Variants in ZNF837 observed in about 807,000 individuals in gnomAD.
ZNF837 encodes the protein zinc finger protein 837.
For synonymous variants in ZNF837, 475 were observed against 365.2 expected, an observed-to-expected ratio of 1.30 and a Z score of -3.43; for missense variants, 955 against 801.7, an observed-to-expected ratio of 1.19 and a Z score of -2.31.
chr19:58,369,436 C>T, intron 2 of ZNF837, 75 bp from the exon 3 acceptor site: 1 of 1,245,728 alleles, frequency 8.0e-7, no homozygotes, highest in Non-Finnish European at 1.0e-6. Flanking sequence ...CAACGAGCGA[C>T]CACCCCACAG....
chr19:58,371,198 G>A (rs547744495), intron 1 of ZNF837, among the ~76,000 whole-genome samples: 277 of 143,124 alleles, frequency 1.9e-3, no homozygotes, highest in Non-Finnish European at 3.6e-3. Flanking sequence ...CCGAGATCAC[G>A]CCACTGCACT....
At chr19:58,370,956 G>C (rs1374640695) in intron 1 of ZNF837, among the ~76,000 whole-genome samples, 1 of 150,248 alleles carries the variant, frequency 6.7e-6, no homozygotes, top group African/African-American at 2.4e-5. Flanking sequence ...GGCCGGGGGG[G>C]GGGAGCCGGG....
At position 58,367,714 on chromosome 19, in the gene ZNF837, C is replaced by CGT; in HGVS notation, c.*21_*22dup. The CGT allele has an allele frequency of 6.8e-7, 1 of 1,481,480 alleles. No homozygotes were observed. The highest frequency in any genetic ancestry group is 8.9e-7 in the Non-Finnish European group (1 of 1,122,360). 91.8% of individuals were successfully genotyped at this position (1,481,480 alleles called of 1,614,324 possible). The stretch of plus-strand genomic sequence containing the variant: ...CGACGCAGGGTTCGCTTGGGCGACG[C>CGT]GTCGACTCTCGGCTCCCTGCAGTCA... On this transcript the variant is annotated 3_prime_UTR_variant, in exon 3 of 3. Transcript: ENST00000597582.
intron 1 of ZNF837, among the ~76,000 whole-genome samples, chr19:58,376,947 G>T (rs1250872732): frequency 2.6e-5 from 4 of 151,824 alleles, no homozygotes; most frequent in Admixed American, 1.3e-4. Context: ...GCCGGACGTG[G>T]TGACTCATGC....
chr19:58,368,320 C>G lies in ZNF837; in HGVS notation c.1013G>C (p.Arg338Pro). ...GTCCCCGCAGGGCGGGCACCCCAGCCGGAAGGCGCGCCGCGCCAGGACGGG... is the reference window on the plus strand; with the variant it reads ...GTCCCCGCAGGGCGGGCACCCCAGCGGGAAGGCGCGCCGCGCCAGGACGGG... ...RGPVLARRAF[R>P]LGCPPCGDYS... The change falls in exon 3 of 3, where the codon CGG becomes CCG. Residue 338 changes from arginine (R) to proline (P), a missense_variant. Arg to Pro is a moderately radical substitution (Grantham distance 103). Transcript: ENST00000597582. 1 of 1,492,068 alleles carries G rather than the reference C, an allele frequency of 6.7e-7. No homozygotes were observed. Among genetic ancestry groups the G allele is most frequent in the African/African-American group, 1.4e-5 (1 of 70,262 alleles). The allele number at this position is 1,492,068 out of a possible 1,614,324, so 92.4% of individuals were successfully genotyped here.
chr19:58,369,434 GACCACCCCACAGCTGGC>G, intron 2 of ZNF837, 73 bp from the exon 3 acceptor site: 1 of 1,250,918 alleles, frequency 8.0e-7, no homozygotes, highest in South Asian at 2.8e-5. Flanking sequence ...GCCAACGAGC[GACCACCCCACAGCTGGC>G]ACCTACTGGG....
chr19:58,370,551 A>G (rs2052190669), intron 1 of ZNF837, among the ~76,000 whole-genome samples: 1 of 152,200 alleles, frequency 6.6e-6, no homozygotes, highest in South Asian at 2.1e-4. Context: ...AGATACACAC[A>G]CGTGCATATA....
chr19:58,368,703 G>C lies in ZNF837; in HGVS notation c.630C>G (p.Ala210=), dbSNP rs1001393585. The C allele has an allele frequency of 6.6e-5, 101 of 1,534,256 alleles. No individual in the cohort carries two copies. Among genetic ancestry groups the C allele is most frequent in the Non-Finnish European group, 8.4e-5 (96 of 1,145,370 alleles). ...CACGEAFAWR[A]LRIPQERLQA... Reference sequence around the variant, plus strand: ...GCAGCCTCTCCTGGGGGATCCGCAGGGCCCTCCACGCAAAGGCCTCGCCGC... The same window carrying C: ...GCAGCCTCTCCTGGGGGATCCGCAGCGCCCTCCACGCAAAGGCCTCGCCGC... Residue 210 remains alanine, a synonymous_variant, in exon 3 of 3, where the codon GCC becomes GCG. Coordinates refer to ENST00000597582, the MANE Select transcript of ZNF837 (RefSeq NM_138466.2).
At chr19:58,375,388 C>G (rs1481819446) in intron 1 of ZNF837, among the ~76,000 whole-genome samples, 2 of 138,816 alleles carry the variant, frequency 1.4e-5, no homozygotes, top group African/African-American at 5.5e-5. Flanking sequence ...ATACTAAAAC[C>G]CAACCTGAAT....
In ZNF837 at chr19:58,368,218, A is replaced by G; in HGVS notation, c.1115T>C (p.Phe372Ser). ...PYECADCAKA[F>S]GLFSHLVEHR... ...CTCCACGAGGTGCGAGAACAGCCCGAAGGCCTTGGCGCAGTCGGCGCACTC... is the reference window on the plus strand; with the variant it reads ...CTCCACGAGGTGCGAGAACAGCCCGGAGGCCTTGGCGCAGTCGGCGCACTC... The change falls in exon 3 of 3, where the codon TTC becomes TCC. Residue 372 changes from phenylalanine to serine, a missense_variant. Phe to Ser is a radical substitution (Grantham distance 155). Coordinates refer to ENST00000597582, the MANE Select transcript of ZNF837 (RefSeq NM_138466.2). 1 of 1,539,548 alleles carries G rather than the reference A, an allele frequency of 6.5e-7. No individual in the cohort carries two copies. The highest frequency in any genetic ancestry group is 8.7e-7 in the Non-Finnish European group (1 of 1,146,346).
In ZNF837 at chr19:58,367,811, A is replaced by C; in HGVS notation, c.1522T>G (p.Cys508Gly). The change falls in exon 3 of 3, where the codon TGC (cysteine) becomes GGC (glycine). Residue 508 changes from cysteine to glycine, a missense_variant. Transcript: ENST00000597582. ...TGERPYACGD[C>G]GRAFSQRSNL... Reference sequence around the variant, plus strand: ...GAGCGTTGGCTGAAGGCGCGGCCGCAATCTCCGCACGCGTAGGGCCGCTCG... The same window carrying C: ...GAGCGTTGGCTGAAGGCGCGGCCGCCATCTCCGCACGCGTAGGGCCGCTCG... The C allele has an allele frequency of 1.3e-6, 2 of 1,536,540 alleles. No individual in the cohort carries two copies. The highest frequency in any genetic ancestry group is 1.2e-5 in the South Asian group (1 of 84,004).
intron 1 of ZNF837, among the ~76,000 whole-genome samples, chr19:58,377,296 G>A (rs1205271057): frequency 6.6e-6 from 1 of 151,568 alleles, no homozygotes; most frequent in African/African-American, 2.4e-5. Context: ...CACGAGGTCA[G>A]GAGATTGAGA....
chr19:58,369,082 G>T lies in ZNF837; in HGVS notation c.251C>A (p.Thr84Asn). 6.6e-7 allele frequency: 1 copy of T among 1,516,768 alleles called. No homozygotes were observed. The highest frequency in any genetic ancestry group is 8.8e-7 in the Non-Finnish European group (1 of 1,131,994). 94.0% of individuals were successfully genotyped at this position (1,516,768 alleles called of 1,614,324 possible). Residue 84 changes from threonine to asparagine, a missense_variant, in exon 3 of 3, where the codon ACC becomes AAC. Coordinates refer to ENST00000597582, the MANE Select transcript of ZNF837 (RefSeq NM_138466.2). ...GCACGGCTCCCGCACGAGGGGTCTGGTCCCGGCGCTGTGCCGGGTCCCCGG... is the reference window on the plus strand; with the variant it reads ...GCACGGCTCCCGCACGAGGGGTCTGTTCCCGGCGCTGTGCCGGGTCCCCGG... The part of the protein sequence containing the change: ...PGPGTRHSAG[T>N]RPLVREPCGP...
In ZNF837 at chr19:58,368,738, C is replaced by T; in HGVS notation, c.595G>A (p.Ala199Thr). 2.0e-6 allele frequency: 3 copies of T among 1,538,168 alleles called. No homozygotes were observed. Among genetic ancestry groups the T allele is most frequent in the East Asian group, 2.4e-5 (1 of 40,880 alleles). Residue 199 changes from alanine to threonine, a missense_variant, in exon 3 of 3, where the codon GCT becomes ACT. By Grantham distance (58) the Ala-to-Thr change is moderately conservative (BLOSUM62 0). Coordinates refer to ENST00000597582, the MANE Select transcript of ZNF837 (RefSeq NM_138466.2). Reference protein sequence around the residue: ...GRNPLVEQPRACACGEAFAWR... With the variant: ...GRNPLVEQPRTCACGEAFAWR... ...GCAAAGGCCTCGCCGCACGCGCAAGCCCGGGGCTGCTCCACCAAGGGGTTC... is the reference window on the plus strand; with the variant it reads ...GCAAAGGCCTCGCCGCACGCGCAAGTCCGGGGCTGCTCCACCAAGGGGTTC...
Position 58,369,101 on chromosome 19 carries a change from TC to T in ZNF837, c.231del (p.Thr78ProfsTer329). 2 of 1,505,866 alleles carry T rather than the reference TC, an allele frequency of 1.3e-6. No individual in the cohort carries two copies. The highest frequency in any genetic ancestry group is 8.9e-7 in the Non-Finnish European group (1 of 1,127,738). 93.3% of individuals were successfully genotyped at this position (1,505,866 alleles called of 1,614,324 possible). A position where few individuals can be genotyped will look rare whatever the true frequency, so the allele number is the denominator to read the frequency against. ...GCSLGVSPGP[G>X]TRHSAGTRPL... ...GGTCTGGTCCCGGCGCTGTGCCGGG[TC>T]CCCGGGCCGGGGCTCACCCCGAGGC... is the stretch of plus-strand genomic sequence containing the variant. On this transcript the variant is annotated frameshift_variant, in exon 3 of 3. Coordinates refer to ENST00000597582, the MANE Select transcript of ZNF837 (RefSeq NM_138466.2). LOFTEE classifies it low-confidence loss of function (END_TRUNC).
At chr19:58,374,701 C>G (rs1320719839) in intron 1 of ZNF837, among the ~76,000 whole-genome samples, 2 of 152,082 alleles carry the variant, frequency 1.3e-5, no homozygotes, top group East Asian at 3.8e-4. Flanking sequence ...CTTTGGGAGG[C>G]GAAGGTGGGA....
At chr19:58,379,073 C>T (rs1252214852) in intron 1 of ZNF837, among the ~76,000 whole-genome samples, 3 of 152,198 alleles carry the variant, frequency 2.0e-5, no homozygotes, top group African/African-American at 7.2e-5. Context: ...CTAATAGAGA[C>T]TGGTCTAGCA....
Position 58,368,372 on chromosome 19 carries a change from G to T in ZNF837, c.961C>A (p.His321Asn), listed in dbSNP as rs1449384371. ...CCACGCCGGTGGCGCTCGGCCGAGT[G>T]CGTCTTCTGGTGGCGGTACAGGCCG... ...CSGLYRHQKT[H>N]SAERHRRGPV... Residue 321 changes from histidine to asparagine, a missense_variant, in exon 3 of 3, where the codon CAC (histidine) becomes AAC (asparagine). Coordinates refer to ENST00000597582, the MANE Select transcript of ZNF837 (RefSeq NM_138466.2). The T allele has an allele frequency of 2.6e-6, 4 of 1,534,816 alleles. No homozygotes were observed. The highest frequency in any genetic ancestry group is 3.5e-6 in the Non-Finnish European group (4 of 1,144,492).
Position 58,368,698 on chromosome 19 carries a change from C to A in ZNF837, c.635G>T (p.Arg212Leu), listed in dbSNP as rs1398707605. 8 of 1,533,688 alleles carry A rather than the reference C, an allele frequency of 5.2e-6. No individual in the cohort carries two copies. Among genetic ancestry groups the A allele is most frequent in the Non-Finnish European group, 6.1e-6 (7 of 1,145,152 alleles). Reference sequence around the variant, plus strand: ...CGCCTGCAGCCTCTCCTGGGGGATCCGCAGGGCCCTCCACGCAAAGGCCTC... The same window carrying A: ...CGCCTGCAGCCTCTCCTGGGGGATCAGCAGGGCCCTCCACGCAAAGGCCTC... ...CGEAFAWRALRIPQERLQATE... is the reference protein window; with the variant it reads ...CGEAFAWRALLIPQERLQATE... The change falls in exon 3 of 3, where the codon CGG becomes CTG. Residue 212 changes from arginine to leucine, a missense_variant. Transcript: ENST00000597582.
Sources: gnomAD v4.1 joint callset for allele counts (sites outside exome capture counted in the v4.1 genomes callset) on GRCh38, gnomAD v4.1.1 for gene constraint, MANE v1.5 for transcripts, NCBI Gene and HGNC (gene_info 2026-07-23, HGNC 2026-07-21) for gene names.